SLC36A1: variants seen among roughly 807,000 people sequenced by gnomAD.
The protein encoded by SLC36A1 is proton-coupled amino acid transporter 1.
SLC36A1 carries 30 observed loss-of-function variants against 47.5 expected under a neutral mutation model. The observed-to-expected ratio is 0.63, with a 90% CI of 0.47 to 0.86. The LOEUF (loss-of-function observed/expected upper bound fraction) is 0.86, where lower values mean the gene tolerates loss of function less well. Among genes scored for constraint, SLC36A1 ranks in the 40% least tolerant of loss-of-function variants. SLC36A1 has a pLI of 0.00. For synonymous variants in SLC36A1, 255 were observed against 249.7 expected, an observed-to-expected ratio of 1.02 and a Z score of -0.20; for missense variants, 517 against 606.0, an observed-to-expected ratio of 0.85 and a Z score of 1.54.
the SLC36A1 span, among the ~76,000 whole-genome samples, chr5:151,363,645 G>T: frequency 6.6e-5 from 10 of 152,188 alleles, no homozygotes; most frequent in South Asian, 2.1e-4. Flanking sequence ...GAATTAACAG[G>T]CAAGCAGAGC....
At chr5:151,537,894 A>C in the SLC36A1 span, 2 of 1,614,182 alleles carry the variant, frequency 1.2e-6, no homozygotes, top group Non-Finnish European at 1.7e-6. Context: ...AGAAACCTTC[A>C]AAATGAAGTG....
the SLC36A1 span, among the ~76,000 whole-genome samples, chr5:151,421,075 G>T: frequency 2.6e-5 from 4 of 151,386 alleles, no homozygotes; most frequent in Admixed American, 2.6e-4. Flanking sequence ...GGGTTTCACC[G>T]TGTTAGCCAG....
rs530045251 is a variant in SLC36A1 at position 151,465,145 on chromosome 5, T to A, written c.395T>A (p.Leu132His). 1 of 1,614,148 alleles carries A rather than the reference T, an allele frequency of 6.2e-7. No homozygotes were observed. Among genetic ancestry groups the A allele is most frequent in the Non-Finnish European group, 8.5e-7 (1 of 1,179,976 alleles). The change falls in exon 5 of 11, where the codon CTC becomes CAC. Residue 132 changes from leucine (L) to histidine (H), a missense_variant. By Grantham distance (99) the Leu-to-His change is moderately conservative. Transcript: ENST00000243389. The part of the protein sequence containing the change: ...YGLESSPCSW[L>H]RNHAHWGRRV... ...CTAGAATCCAGCCCCTGCTCCTGGCTCCGGAACCACGCACACTGGGGAAGG... is the reference window on the plus strand; with the variant it reads ...CTAGAATCCAGCCCCTGCTCCTGGCACCGGAACCACGCACACTGGGGAAGG...
upstream of SLC36A1, among the ~76,000 whole-genome samples, chr5:151,443,339 TGAC>T (rs1206693391): frequency 2.6e-5 from 4 of 152,230 alleles, no homozygotes; most frequent in Admixed American, 6.5e-5. Context: ...TGTTGTCTTT[TGAC>T]TTTTTTGATA....
chr5:151,396,481 T>A, the SLC36A1 span, among the ~76,000 whole-genome samples: 2 of 152,216 alleles, frequency 1.3e-5, no homozygotes, highest in Non-Finnish European at 2.9e-5. Flanking sequence ...TTCTAAGTCT[T>A]TATTCTTTAT....
chr5:151,517,983 A>T, the SLC36A1 span, among the ~76,000 whole-genome samples: 1 of 152,052 alleles, frequency 6.6e-6, no homozygotes, highest in Non-Finnish European at 1.5e-5. Context: ...GACTGCAGGG[A>T]CCCCTGCCTT....
chr5:151,452,305 C>T (rs537920318), intron 1 of SLC36A1: 2 of 152,350 alleles, frequency 1.3e-5, no homozygotes, highest in African/African-American at 4.8e-5. Context: ...GTAGACCACA[C>T]ATAGCAACAC....
In SLC36A1 at chr5:151,466,322, G is replaced by A. The variant is rs568667849; in HGVS notation, c.420-877G>A. ...AATTTTGGTCACAGTTGCATGGGTAGCCTTTTGGAATTTGCTGTATAAGTA... is the reference window on the plus strand; with the variant it reads ...AATTTTGGTCACAGTTGCATGGGTAACCTTTTGGAATTTGCTGTATAAGTA... On this transcript the variant is annotated intron_variant, in intron 5 of 10. Transcript: ENST00000243389. 5.3e-5 allele frequency among the ~76,000 whole-genome samples: 8 copies of A among 152,326 alleles called. No individual in the cohort carries two copies. The South Asian group carries it at 1.5e-3, about 28-fold the overall frequency.
the SLC36A1 span, chr5:151,554,355 T>C: frequency 5.0e-6 from 8 of 1,606,752 alleles, no homozygotes; most frequent in South Asian, 6.6e-5. Flanking sequence ...TCCTTCTGTC[T>C]GCTCACCGTT....
At chr5:151,356,033 T>C in the SLC36A1 span, among the ~76,000 whole-genome samples, 1 of 152,148 alleles carries the variant, frequency 6.6e-6, no homozygotes, top group South Asian at 2.1e-4. Context: ...TAATGTGCTA[T>C]TTTGTAACAA....
the SLC36A1 span, among the ~76,000 whole-genome samples, chr5:151,530,775 C>T: frequency 6.6e-6 from 1 of 152,086 alleles, no homozygotes; most frequent in Admixed American, 6.6e-5. Flanking sequence ...ACAGTGTCTG[C>T]GGTTGGATGG....
chr5:151,536,954 AAAG>A, the SLC36A1 span, among the ~76,000 whole-genome samples: 1 of 152,048 alleles, frequency 6.6e-6, no homozygotes, highest in African/African-American at 2.4e-5. Context: ...CTATTTCCCC[AAAG>A]AAGGTCTTTG....
At chr5:151,482,277 C>G (rs1371382016) in intron 10 of SLC36A1, among the ~76,000 whole-genome samples, 2 of 152,138 alleles carry the variant, frequency 1.3e-5, no homozygotes, top group Non-Finnish European at 2.9e-5. Flanking sequence ...TGCCACCCCC[C>G]ACCCTGCATT....
At chr5:151,392,486 G>A in the SLC36A1 span, among the ~76,000 whole-genome samples, 1 of 152,088 alleles carries the variant, frequency 6.6e-6, no homozygotes, top group Non-Finnish European at 1.5e-5. Flanking sequence ...TCTTTTAATT[G>A]TGATGTTAGG....
chr5:151,549,330 C>G, the SLC36A1 span: 5 of 1,613,624 alleles, frequency 3.1e-6, no homozygotes, highest in African/African-American at 1.3e-5. Flanking sequence ...AGCATTGACT[C>G]CCCGGTCAGC....
the SLC36A1 span, chr5:151,505,548 G>A: frequency 6.2e-7 from 1 of 1,613,916 alleles, no homozygotes; most frequent in Non-Finnish European, 8.5e-7. Flanking sequence ...CGCCTGCCTT[G>A]CTCTGGGAAT....
At chr5:151,504,602 A>G in the SLC36A1 span, 1 of 152,670 alleles carries the variant, frequency 6.6e-6, no homozygotes, top group Non-Finnish European at 1.5e-5. Flanking sequence ...GGCCCTAAAT[A>G]GGAGTTCAGA....
At chr5:151,358,589 T>C in the SLC36A1 span, among the ~76,000 whole-genome samples, 1 of 152,296 alleles carries the variant, frequency 6.6e-6, no homozygotes, top group East Asian at 1.9e-4. Context: ...TCCTGATAAA[T>C]TTTTCTATCC....
At chr5:151,550,782 C>T in the SLC36A1 span, 1 of 1,614,050 alleles carries the variant, frequency 6.2e-7, no homozygotes, top group Non-Finnish European at 8.5e-7. Flanking sequence ...CTACCCCTGG[C>T]ACGGTGTCCT....
Sources: allele counts gnomAD v4.1 joint callset (sites outside exome capture counted in the v4.1 genomes callset), GRCh38; gene constraint gnomAD v4.1.1; transcripts MANE v1.5; gene names NCBI Gene and HGNC (gene_info 2026-07-23, HGNC 2026-07-21).